KIAA1671: variants seen among roughly 807,000 people sequenced by gnomAD.
The protein encoded by KIAA1671 is uncharacterized protein KIAA1671.
KIAA1671 carries 52 observed loss-of-function variants against 131.2 expected under a neutral mutation model. The ratio of observed to expected loss-of-function variants is 0.40; its 90% CI spans 0.32 to 0.50. KIAA1671 has a LOEUF of 0.50. Ranked by LOEUF, KIAA1671 falls within the 20% of genes least tolerant of loss-of-function variation. The probability of loss-of-function intolerance (pLI) is 0.73; values close to 1 mark genes in which losing one functional copy is unlikely to be tolerated. For synonymous variants in KIAA1671, 1,003 were observed against 961.6 expected, an observed-to-expected ratio of 1.04 and a Z score of -0.80; for missense variants, 2,360 against 2,364.2, an observed-to-expected ratio of 1.00 and a Z score of 0.04.
At chr22:25,068,010 G>A (rs1388248678) in intron 6 of KIAA1671, among the ~76,000 whole-genome samples, 1 of 152,290 alleles carries the variant, frequency 6.6e-6, no homozygotes, top group Non-Finnish European at 1.5e-5. Flanking sequence ...CCAGTGCAGA[G>A]GAACCAGCCC....
intron 1 of KIAA1671, among the ~76,000 whole-genome samples, chr22:25,017,266 C>G (rs1359444525): frequency 6.6e-6 from 1 of 152,148 alleles, no homozygotes; most frequent in Non-Finnish European, 1.5e-5. Context: ...GCCTGTAGTC[C>G]CAGCTACCCA....
intron 4 of KIAA1671, among the ~76,000 whole-genome samples, chr22:25,033,737 C>G (rs1926431163): frequency 6.6e-6 from 1 of 151,424 alleles, no homozygotes; most frequent in Non-Finnish European, 1.5e-5. Flanking sequence ...CGCCACCATG[C>G]CCGGCTTATT....
At position 25,041,148 on chromosome 22, in the gene KIAA1671, A is replaced by G. The variant is rs1468159944; in HGVS notation, c.4018A>G (p.Lys1340Glu). 1.9e-6 allele frequency: 3 copies of G among 1,551,118 alleles called. No homozygotes were observed. The highest frequency in any genetic ancestry group is 1.2e-5 in the South Asian group (1 of 84,034). ...KAFASKHHVA[K>E]CQNYLAESKP... Reference sequence around the variant, plus strand: ...CTTTGCCAGTAAACATCATGTTGCAAAGTGTCAGAATTACCTGGCTGAGTC... The same window carrying G: ...CTTTGCCAGTAAACATCATGTTGCAGAGTGTCAGAATTACCTGGCTGAGTC... The change falls in exon 5 of 13, where the codon AAG becomes GAG. Residue 1340 changes from lysine to glutamate, a missense_variant. Around this residue, in one of 3 missense-constraint regions of KIAA1671, gnomAD observed 1,161 missense variants for 1,204.7 expected, o/e 0.96. Transcript: ENST00000358431.
Position 25,086,449 on chromosome 22 carries a change from A to G in KIAA1671, c.4530+37085A>G, listed in dbSNP as rs1438196668. ...GCTGAACGCAGGAGTGAGTGAGTGCATAAATGAACTTCTTGAGGAGAGGAA... is the reference window on the plus strand; with the variant it reads ...GCTGAACGCAGGAGTGAGTGAGTGCGTAAATGAACTTCTTGAGGAGAGGAA... On this transcript the variant is annotated intron_variant, in intron 6 of 12. Transcript: ENST00000358431. 2.0e-5 allele frequency among the ~76,000 whole-genome samples: 3 copies of G among 152,248 alleles called. No individual in the cohort carries two copies. The East Asian group carries it at 5.8e-4, about 29-fold the overall frequency.
chr22:25,074,225 A>C (rs1928978519), intron 6 of KIAA1671, among the ~76,000 whole-genome samples: 1 of 151,054 alleles, frequency 6.6e-6, no homozygotes, highest in Admixed American at 6.6e-5. Context: ...TACATAAAGA[A>C]ATTGAGGGGT....
chr22:24,986,392 T>C (rs1923533307), intron 1 of KIAA1671, among the ~76,000 whole-genome samples: 1 of 152,164 alleles, frequency 6.6e-6, no homozygotes, highest in Non-Finnish European at 1.5e-5. Context: ...TCCTCCCAGA[T>C]GCTTTAAATC....
chr22:25,019,094 T>TGTG (rs1270822751), intron 1 of KIAA1671, among the ~76,000 whole-genome samples: 42 of 117,304 alleles, frequency 3.6e-4, no homozygotes, highest in Non-Finnish European at 5.7e-4. Context: ...GTGTGTGTGT[T>TGTG]TTAATTAAGT....
At chr22:25,068,873 A>C (rs1001482658) in intron 6 of KIAA1671, among the ~76,000 whole-genome samples, 10 of 152,074 alleles carry the variant, frequency 6.6e-5, no homozygotes, top group African/African-American at 2.4e-4. Flanking sequence ...TGGGGGCGGG[A>C]GCCTGGTGCA....
In KIAA1671 at chr22:24,952,959, C is replaced by G. The variant is rs1351955279; in HGVS notation, c.-208+187C>G. Among the ~76,000 whole-genome samples the G allele has an allele frequency of 1.3e-5, 2 of 152,210 alleles. No individual in the cohort carries two copies. The highest frequency in any genetic ancestry group is 2.9e-5 in the Non-Finnish European group (2 of 68,020). The stretch of plus-strand genomic sequence containing the variant: ...GGGAGCCGGAGGATTTCCCCAGACT[C>G]CGGGTCTGCAGGGAGGGAGGATCCC... On this transcript the variant is annotated intron_variant, in intron 1 of 12. Transcript: ENST00000358431. The surrounding 1 kb of genome is among the most constrained non-coding windows in gnomAD (Gnocchi z 4.5).
chr22:25,030,968 C>G (rs1371557970), intron 3 of KIAA1671, among the ~76,000 whole-genome samples: 1 of 152,238 alleles, frequency 6.6e-6, no homozygotes, highest in Non-Finnish European at 1.5e-5. Flanking sequence ...GCCTGGGCCC[C>G]ACCCCTAGAG....
At chr22:24,999,394 C>A (rs570644619) in intron 1 of KIAA1671, among the ~76,000 whole-genome samples, 19 of 152,204 alleles carry the variant, frequency 1.2e-4, no homozygotes, top group Admixed American at 3.9e-4. Context: ...CTATGCCTGG[C>A]TAACTTTTCA....
intron 1 of KIAA1671, among the ~76,000 whole-genome samples, chr22:24,976,496 G>A (rs1264845730): frequency 2.0e-5 from 3 of 152,194 alleles, no homozygotes; most frequent in African/African-American, 4.8e-5. Flanking sequence ...GGGCAGCATG[G>A]GGGTCTGTCC....
rs1275603043 is a variant in KIAA1671 at position 25,029,522 on chromosome 22, C to T, written c.1523C>T (p.Ser508Leu). 8.4e-6 allele frequency: 13 copies of T among 1,543,496 alleles called. No homozygotes were observed. Among genetic ancestry groups the T allele is most frequent in the South Asian group, 3.6e-5 (3 of 83,354 alleles). Reference protein sequence around the residue: ...RRRTFQARPLSADLTKLFSSS... With the variant: ...RRRTFQARPLLADLTKLFSSS... ...AGGACGTTCCAGGCTCGGCCGCTGT[C>T]GGCGGATTTGACCAAATTGTAAGTA... is the stretch of plus-strand genomic sequence containing the variant. Residue 508 changes from serine to leucine, a missense_variant, in exon 3 of 13, where the codon TCG becomes TTG. Ser to Leu is a moderately radical substitution (Grantham distance 145). Around this residue, in one of 3 missense-constraint regions of KIAA1671, gnomAD observed 1,185 missense variants for 1,126.2 expected, o/e 1.05. Transcript: ENST00000358431.
intron 1 of KIAA1671, among the ~76,000 whole-genome samples, chr22:24,955,468 C>T (rs1921644163): frequency 6.6e-6 from 1 of 152,138 alleles, no homozygotes; most frequent in Non-Finnish European, 1.5e-5. Context: ...GTGTTATGGG[C>T]TGCAGAAATG....
chr22:25,003,221 A>G (rs1446500843), intron 1 of KIAA1671, among the ~76,000 whole-genome samples: 1 of 152,148 alleles, frequency 6.6e-6, no homozygotes. Flanking sequence ...AATGGGAGTA[A>G]AATACTACCT....
intron 6 of KIAA1671, among the ~76,000 whole-genome samples, chr22:25,162,910 G>C (rs906685691): frequency 2.6e-5 from 4 of 152,188 alleles, no homozygotes; most frequent in Non-Finnish European, 4.4e-5. Context: ...CTAAACTCTG[G>C]TGTAGATTGA....
At chr22:24,967,919 G>C (rs1466870615) in intron 1 of KIAA1671, among the ~76,000 whole-genome samples, 1 of 151,962 alleles carries the variant, frequency 6.6e-6, no homozygotes, top group South Asian at 2.1e-4. Context: ...CGTGAACCCA[G>C]GAGGCGGAGC....
At chr22:24,994,522 T>G (rs2123851837) in intron 1 of KIAA1671, among the ~76,000 whole-genome samples, 1 of 152,198 alleles carries the variant, frequency 6.6e-6, no homozygotes, top group Admixed American at 6.5e-5. Context: ...AGGATTTGGG[T>G]GGAGTCCAAC....
chr22:25,190,725 G>A lies in KIAA1671; in HGVS notation c.5366G>A (p.Trp1789Ter). The change falls in exon 12 of 13, where the codon TGG (tryptophan) becomes TAG (stop). Residue 1789 changes from tryptophan to a stop codon, truncating the protein, a stop_gained. Coordinates refer to ENST00000358431, the MANE Select transcript of KIAA1671 (RefSeq NM_001145206.2). LOFTEE classifies it high-confidence loss of function. Reference protein sequence around the residue: ...DERSDEPSPQWLKELKSKKRQ... With the variant: ...DERSDEPSPQ The stretch of plus-strand genomic sequence containing the variant: ...AGGTCGGATGAACCCTCTCCCCAGT[G>A]GCTAAAGGAATTGAAATCCAAGAAG... The A allele has an allele frequency of 1.3e-6, 2 of 1,551,798 alleles. No individual in the cohort carries two copies. Among genetic ancestry groups the A allele is most frequent in the Non-Finnish European group, 1.7e-6 (2 of 1,146,950 alleles).
Sources: gnomAD v4.1 joint callset for allele counts (sites outside exome capture counted in the v4.1 genomes callset) on GRCh38, gnomAD v4.1.1 for gene constraint, gnomAD v4.1.1 regional missense constraint, Gnocchi (gnomAD v3.1) non-coding constraint, MANE v1.5 for transcripts, NCBI Gene and HGNC (gene_info 2026-07-23, HGNC 2026-07-21) for gene names.